The following SPATA7 variants were observed in gnomAD, a reference collection of about 807,000 sequenced individuals.
The protein encoded by SPATA7 is spermatogenesis associated 7, also known as spermatogenesis-associated protein 7.
Under a neutral mutation model 51.8 loss-of-function variants are expected in SPATA7, and 43 were observed. The observed-to-expected ratio is 0.83, with a 90% CI of 0.65 to 1.07. SPATA7 has a LOEUF of 1.07. Ranked by LOEUF, SPATA7 falls within the 50% of genes least tolerant of loss-of-function variation. The pLI is 0.00. For synonymous variants in SPATA7, 230 were observed against 252.8 expected (o/e 0.91, Z 0.86); for missense variants, 683 against 701.3 (o/e 0.97, Z 0.30).
intron 4 of SPATA7, among the ~76,000 whole-genome samples, chr14:88,398,250 C>T (rs886314082): frequency 2.0e-5 from 3 of 151,508 alleles, no homozygotes. Flanking sequence ...CAATGATAGA[C>T]TGGATTAAGA....
rs2077412184 is a variant in SPATA7 at position 88,469,060 on chromosome 14, G to C, written c.255-787G>C. The C allele has an allele frequency of 1.2e-6, 2 of 1,613,092 alleles. No homozygotes were observed. The highest frequency in any genetic ancestry group is 1.3e-5 in the African/African-American group (1 of 74,910). ...TATTTGTATGGCGTCGAACAGACTG[G>C]ATCTCTTCAAGATATGCTGTGGAAA... On this transcript the variant is annotated intron_variant, in intron 4 of 4. Transcript: ENST00000556406. The surrounding 1 kb of genome is among the most constrained non-coding windows in gnomAD (Gnocchi z 4.3).
chr14:88,426,806 G>A (rs571613693), intron 6 of SPATA7, 102 bp downstream of exon 6: 4 of 1,041,686 alleles, frequency 3.8e-6, no homozygotes, highest in Non-Finnish European at 5.7e-6. Context: ...AGATCTGATA[G>A]TGCCCTTTTG....
At chr14:88,456,485 C>G (rs1440165577), downstream of SPATA7, among the ~76,000 whole-genome samples, 3 of 152,052 alleles carry the variant, frequency 2.0e-5, no homozygotes, top group Admixed American at 1.3e-4. Context: ...TGATGATGAG[C>G]ATTTTTTCAT....
chr14:88,462,562 T>C (rs2140063532), intron 4 of SPATA7, among the ~76,000 whole-genome samples: 1 of 152,326 alleles, frequency 6.6e-6, no homozygotes, highest in East Asian at 1.9e-4. Flanking sequence ...TGAAATTAAG[T>C]AGTAGTCTTT....
chr14:88,387,188 T>A (rs2075604016), intron 1 of SPATA7, among the ~76,000 whole-genome samples: 1 of 152,166 alleles, frequency 6.6e-6, no homozygotes, highest in Non-Finnish European at 1.5e-5. Flanking sequence ...TTACTTACTA[T>A]CCCATGGTAG....
At chr14:88,399,868 T>C (rs2076009866) in intron 4 of SPATA7, among the ~76,000 whole-genome samples, 1 of 152,204 alleles carries the variant, frequency 6.6e-6, no homozygotes. Flanking sequence ...AGAAATTGAC[T>C]TTAATACAAT....
intron 4 of SPATA7, among the ~76,000 whole-genome samples, chr14:88,406,167 C>T (rs1013473015): frequency 2.0e-5 from 3 of 152,118 alleles, no homozygotes; most frequent in African/African-American, 7.2e-5. Flanking sequence ...CTACTCTGTA[C>T]TTTTCTGTCA....
intron 6 of SPATA7, among the ~76,000 whole-genome samples, 189 bp from the exon 7 acceptor site, chr14:88,427,441 T>TAAG (rs113963871): frequency 0.035 from 5,363 of 152,248 alleles, 311 homozygotes; most frequent in African/African-American, 0.12. Flanking sequence ...TGAATATAGA[T>TAAG]AAGTACAGTG....
At chr14:88,451,154 G>A (rs1382814740) in intron 3 of SPATA7, among the ~76,000 whole-genome samples, 3 of 152,074 alleles carry the variant, frequency 2.0e-5, no homozygotes, top group African/African-American at 7.2e-5. Context: ...ATTTCTAGAA[G>A]TTGTGCTTTT....
intron 2 of SPATA7, 42 bp from the exon 3 acceptor site, chr14:88,393,351 A>G (rs1357455886): frequency 3.1e-6 from 4 of 1,307,640 alleles, no homozygotes; most frequent in African/African-American, 1.5e-5. Flanking sequence ...CATGATTTTT[A>G]TATTAGTTTT....
downstream of SPATA7, among the ~76,000 whole-genome samples, chr14:88,443,397 A>C (rs2077190957): frequency 6.6e-6 from 1 of 152,130 alleles, no homozygotes; most frequent in African/African-American, 2.4e-5. Context: ...ATGCATGTAA[A>C]GCTGTTCATA....
At position 88,396,178 on chromosome 14, in the gene SPATA7, A is replaced by G. The variant is rs996186010; in HGVS notation, c.213A>G (p.Pro71=). ...SAKAAVDCSV[P]VSVSTSIKYA... ...CAGCTGCAGTAGACTGCTCGGTTCC[A>G]GTAAGCGTGAGTACCAGCATAAAGT... is the stretch of plus-strand genomic sequence containing the variant. The change falls in exon 4 of 12, where the codon CCA becomes CCG. Residue 71 remains proline (P), a synonymous_variant. Transcript: ENST00000393545. The G allele has an allele frequency of 6.2e-7, 1 of 1,610,724 alleles. No individual in the cohort carries two copies. The highest frequency in any genetic ancestry group is 8.5e-7 in the Non-Finnish European group (1 of 1,178,146).
chr14:88,439,227 C>G (rs904772933), downstream of SPATA7, among the ~76,000 whole-genome samples: 1 of 152,060 alleles, frequency 6.6e-6, no homozygotes, highest in Non-Finnish European at 1.5e-5. Context: ...TCTCACTTTT[C>G]CTGCAATATC....
intron 4 of SPATA7, among the ~76,000 whole-genome samples, chr14:88,398,395 C>T (rs370558573): frequency 4.1e-5 from 6 of 147,314 alleles, no homozygotes; most frequent in African/African-American, 7.6e-5. Context: ...AACTAAACAC[C>T]GCATATTCTC....
At chr14:88,431,482 C>G (rs2076939491) in intron 9 of SPATA7, among the ~76,000 whole-genome samples, 1 of 152,114 alleles carries the variant, frequency 6.6e-6, no homozygotes, top group Non-Finnish European at 1.5e-5. Context: ...TATCCTTCTT[C>G]TAGCTATTTG....
At chr14:88,448,606 C>G (rs1325631076) in intron 3 of SPATA7, among the ~76,000 whole-genome samples, 1 of 152,126 alleles carries the variant, frequency 6.6e-6, no homozygotes, top group Non-Finnish European at 1.5e-5. Context: ...TTTTCCCCAT[C>G]TTTGTGGTTT....
chr14:88,389,599 G>C (rs1595167837), intron 1 of SPATA7, among the ~76,000 whole-genome samples: 1 of 152,132 alleles, frequency 6.6e-6, no homozygotes, highest in East Asian at 1.9e-4. Context: ...AAATAGACAA[G>C]GGAACATAGA....
intron 3 of SPATA7, among the ~76,000 whole-genome samples, chr14:88,449,236 T>C (rs1329298381): frequency 1.3e-5 from 2 of 152,218 alleles, no homozygotes; most frequent in Non-Finnish European, 2.9e-5. Flanking sequence ...CTGTCTTTGC[T>C]GTATTCCAGA....
At chr14:88,442,634 G>A (rs1330198011), downstream of SPATA7, among the ~76,000 whole-genome samples, 1 of 152,156 alleles carries the variant, frequency 6.6e-6, no homozygotes, top group Non-Finnish European at 1.5e-5. Context: ...GCCCTGGTAT[G>A]AAACCCACTT....
Sources: gnomAD v4.1 joint callset for allele counts (sites outside exome capture counted in the v4.1 genomes callset) on GRCh38, gnomAD v4.1.1 for gene constraint, Gnocchi (gnomAD v3.1) non-coding constraint, MANE v1.5 for transcripts, NCBI Gene and HGNC (gene_info 2026-07-23, HGNC 2026-07-21) for gene names.